POLDIP2: variants seen among roughly 807,000 people sequenced by gnomAD.
POLDIP2 encodes DNA polymerase delta interacting protein 2, also known as polymerase delta-interacting protein 2.
Under a neutral mutation model 52.9 loss-of-function variants are expected in POLDIP2, and 32 were observed. The observed-to-expected ratio is 0.61, with a 90% CI of 0.46 to 0.81. The LOEUF is 0.81. POLDIP2 is among the 40% of genes least tolerant of loss of function. The pLI is 0.00. For synonymous variants in POLDIP2, 183 were observed against 183.0 expected, an observed-to-expected ratio of 1.00 and a Z score of 0.00; for missense variants, 371 against 477.3, an observed-to-expected ratio of 0.78 and a Z score of 2.07.
rs1342760129 is a variant in POLDIP2, at chr17:28,347,822, CA to C, written c.*294del. 6.1e-5 allele frequency: 21 copies of C among 346,230 alleles called. No individual in the cohort carries two copies. The East Asian group carries it at 1.2e-3, about 21-fold the overall frequency. 21.4% of individuals were successfully genotyped at this position (346,230 alleles called of 1,614,324 possible). A position where few individuals can be genotyped will look rare whatever the true frequency, so the allele number is the denominator to read the frequency against. On this transcript the variant is annotated 3_prime_UTR_variant, in exon 11 of 11. Coordinates refer to ENST00000540200, the MANE Select transcript of POLDIP2 (RefSeq NM_015584.5). ...GTGCACTGGTTTACTGATCAAACCTCACGTGACAGGCCAGGAAACTCCTCCA... is the reference window on the plus strand; with the variant it reads ...GTGCACTGGTTTACTGATCAAACCTCCGTGACAGGCCAGGAAACTCCTCCA...
chr17:28,354,365 G>A, intron 3 of POLDIP2, 123 bp downstream of exon 3: 1 of 696,848 alleles, frequency 1.4e-6, no homozygotes, highest in Non-Finnish European at 2.5e-6. Context: ...TAGTCCCAGA[G>A]AAGTACTCTG....
intron 2 of POLDIP2, among the ~76,000 whole-genome samples, 194 bp downstream of exon 2, chr17:28,355,601 C>G (rs1465327650): frequency 6.6e-6 from 1 of 151,698 alleles, no homozygotes; most frequent in Non-Finnish European, 1.5e-5. Flanking sequence ...GACTGAAACT[C>G]CGTCTCACAA....
At chr17:28,353,446 C>T (rs904809864) in intron 4 of POLDIP2, 130 bp from the exon 5 acceptor site, 27 of 606,314 alleles carry the variant, frequency 4.5e-5, no homozygotes, top group Admixed American at 8.8e-5. Context: ...CACTTGAACC[C>T]GGGAGGCAGA....
intron 9 of POLDIP2, among the ~76,000 whole-genome samples, chr17:28,349,579 GGTCGC>G (rs1354214168): frequency 6.6e-6 from 1 of 151,982 alleles, no homozygotes; most frequent in Non-Finnish European, 1.5e-5. Context: ...AGTAAACTAT[GGTCGC>G]ACCACTGCAC....
At chr17:28,351,353 A>G (rs542775076) in intron 7 of POLDIP2, among the ~76,000 whole-genome samples, 4 of 152,350 alleles carry the variant, frequency 2.6e-5, no homozygotes, top group African/African-American at 9.6e-5. Flanking sequence ...ATGTGTAAAA[A>G]GTGTTATGCC....
Position 28,348,035 on chromosome 17 carries a change from G to A in POLDIP2, c.*82C>T. The A allele has an allele frequency of 1.3e-6, 1 of 795,510 alleles. No individual in the cohort carries two copies. Among genetic ancestry groups the A allele is most frequent in the Non-Finnish European group, 2.2e-6 (1 of 461,272 alleles). 49.3% of individuals were successfully genotyped at this position (795,510 alleles called of 1,614,324 possible). A position where few individuals can be genotyped will look rare whatever the true frequency, so the allele number is the denominator to read the frequency against. Reference sequence around the variant, plus strand: ...GAGACCCACTGTGGCCCATGATGGGGAGAGAAGAGTTCTGCAGCAATTGTG... The same window carrying A: ...GAGACCCACTGTGGCCCATGATGGGAAGAGAAGAGTTCTGCAGCAATTGTG... On this transcript the variant is annotated 3_prime_UTR_variant, in exon 11 of 11. Transcript: ENST00000540200.
intron 6 of POLDIP2, among the ~76,000 whole-genome samples, chr17:28,352,237 CTTTTTTT>C (rs782311219): frequency 2.3e-5 from 2 of 87,682 alleles, no homozygotes. Context: ...GGAATTATTT[CTTTTTTT>C]TTTTTTTTTT....
chr17:28,351,917 G>GGTC, intron 6 of POLDIP2, 117 bp from the exon 7 acceptor site: 1 of 929,164 alleles, frequency 1.1e-6, no homozygotes, highest in Non-Finnish European at 1.7e-6. Context: ...CCTAGTGGTG[G>GGTC]CCCAGGCAAA....
chr17:28,355,725 G>T, intron 2 of POLDIP2, 70 bp downstream of exon 2: 2 of 1,092,642 alleles, frequency 1.8e-6, no homozygotes, highest in Non-Finnish European at 1.4e-6. Context: ...GCAGGCCTGT[G>T]ACCTAATCTG....
Position 28,353,261 on chromosome 17 carries a change from C to T in POLDIP2, c.494G>A (p.Arg165Gln), listed in dbSNP as rs1555580354. The T allele has an allele frequency of 3.8e-6, 6 of 1,586,112 alleles. No individual in the cohort carries two copies. Among genetic ancestry groups the T allele is most frequent in the South Asian group, 1.1e-5 (1 of 89,368 alleles). The change falls in exon 5 of 11, where the codon CGG becomes CAG. Residue 165 changes from arginine (R) to glutamine (Q), a missense_variant. Coordinates refer to ENST00000540200, the MANE Select transcript of POLDIP2 (RefSeq NM_015584.5). ...CTCACCTGGGATGGCATAGAGGGCC[C>T]GACTGTCATCATGGTTAGCCAAGAA... ...VTFLANHDDSRALYAIPGLDY... is the reference protein window; with the variant it reads ...VTFLANHDDSQALYAIPGLDY...
Position 28,348,082 on chromosome 17 carries a change from G to A in POLDIP2, c.*35C>T, listed in dbSNP as rs782353200. Reference sequence around the variant, plus strand: ...TGTGGGATGAGAGTTGTTCTTCCCGGTGACCAAGCCTGGGCACTTGGGGCC... The same window carrying A: ...TGTGGGATGAGAGTTGTTCTTCCCGATGACCAAGCCTGGGCACTTGGGGCC... On this transcript the variant is annotated 3_prime_UTR_variant, in exon 11 of 11. Transcript: ENST00000540200. The A allele has an allele frequency of 5.5e-6, 7 of 1,281,794 alleles. No homozygotes were observed. The South Asian group carries it at 7.1e-5, about 13-fold the overall frequency. 79.4% of individuals were successfully genotyped at this position (1,281,794 alleles called of 1,614,324 possible).
In POLDIP2 at chr17:28,351,694, G is replaced by A. The variant is rs1907799462; in HGVS notation, c.729C>T (p.Val243=). The part of the protein sequence containing the change: ...VHRETTENIR[V]TVIPFYMGMR... ...TGCCCATGTAGAAGGGGATGACAGT[G>A]ACACGTATGTTCTCAGTTGTTTCCC... The change falls in exon 7 of 11, where the codon GTC becomes GTT. Residue 243 remains valine (V), a synonymous_variant. Coordinates refer to ENST00000540200, the MANE Select transcript of POLDIP2 (RefSeq NM_015584.5). The A allele has an allele frequency of 6.2e-7, 1 of 1,613,912 alleles. No individual in the cohort carries two copies. Among genetic ancestry groups the A allele is most frequent in the Non-Finnish European group, 8.5e-7 (1 of 1,179,824 alleles).
Position 28,355,710 on chromosome 17 carries a change from A to T in POLDIP2, c.243+85T>A, listed in dbSNP as rs923337575. On this transcript the variant is annotated intron_variant, in intron 2 of 10. Transcript: ENST00000540200. ...CAAGGTGGAATGAATGGAACACCAT[A>T]CCATGCAGGCCTGTGACCTAATCTG... is the stretch of plus-strand genomic sequence containing the variant. The T allele has an allele frequency of 8.5e-5, 71 of 832,032 alleles. No homozygotes were observed. In the African/African-American group the frequency reaches 9.9e-4, roughly 12 times the overall value. 51.5% of individuals were successfully genotyped at this position (832,032 alleles called of 1,614,324 possible). A position where few individuals can be genotyped will look rare whatever the true frequency, so the allele number is the denominator to read the frequency against.
Position 28,355,336 on chromosome 17 carries a change from G to A in POLDIP2, c.243+459C>T, listed in dbSNP as rs782019007. 2.0e-5 allele frequency among the ~76,000 whole-genome samples: 3 copies of A among 152,310 alleles called. No individual in the cohort carries two copies. In the South Asian group the frequency reaches 6.2e-4, roughly 32 times the overall value. ...AAAAATTTGATTCTGGGCTGGGTGC[G>A]GTGGCTCACGCCAGTAATCCCAGGA... is the stretch of plus-strand genomic sequence containing the variant. On this transcript the variant is annotated intron_variant, in intron 2 of 10. Coordinates refer to ENST00000540200, the MANE Select transcript of POLDIP2 (RefSeq NM_015584.5).
chr17:28,353,775 C>T lies in POLDIP2; in HGVS notation c.358G>A (p.Gly120Ser), dbSNP rs1555580484. The change falls in exon 4 of 11, where the codon GGC becomes AGC. Residue 120 changes from glycine (G) to serine (S), a missense_variant. Coordinates refer to ENST00000540200, the MANE Select transcript of POLDIP2 (RefSeq NM_015584.5). ...AAPEKAENPA[G>S]HGSKEVKGKT... ...CCTTTCACCTCCTTGGAGCCATGGCCAGCAGGGTTCTCTGCTCTATGGGGT... is the reference window on the plus strand; with the variant it reads ...CCTTTCACCTCCTTGGAGCCATGGCTAGCAGGGTTCTCTGCTCTATGGGGT... 1.9e-6 allele frequency: 3 copies of T among 1,612,786 alleles called. No homozygotes were observed. Among genetic ancestry groups the T allele is most frequent in the South Asian group, 1.1e-5 (1 of 91,054 alleles).
intron 10 of POLDIP2, among the ~76,000 whole-genome samples, chr17:28,348,756 G>C (rs1215732229): frequency 4.6e-5 from 7 of 152,150 alleles, no homozygotes; most frequent in African/African-American, 1.7e-4. Context: ...CTGGCCTTTA[G>C]ATACATACTG....
chr17:28,347,080 CTGTT>C lies in POLDIP2; in HGVS notation c.*1033_*1036del, dbSNP rs1316663535. On this transcript the variant is annotated 3_prime_UTR_variant, in exon 11 of 11. Transcript: ENST00000540200. ...GGCCATGGGCTGAGTTCCTGTGCTT[CTGTT>C]TATCATCTGACCTTGTGTTCTAGCC... The C allele has an allele frequency of 2.0e-5, 3 of 152,208 alleles. No homozygotes were observed. Among genetic ancestry groups the C allele is most frequent in the African/African-American group, 7.2e-5 (3 of 41,438 alleles). 9.4% of individuals were successfully genotyped at this position (152,208 alleles called of 1,614,324 possible).
At chr17:28,353,610 G>A (rs1469125598) in intron 4 of POLDIP2, 85 bp downstream of exon 4, 1 of 923,470 alleles carries the variant, frequency 1.1e-6, no homozygotes, top group African/African-American at 1.6e-5. Context: ...GGCTCTGTTT[G>A]ACCCCCTTCC....
chr17:28,348,141 T>C lies in POLDIP2; in HGVS notation c.1083A>G (p.Thr361=). Residue 361 remains threonine (T), a synonymous_variant, in exon 11 of 11, where the codon ACA becomes ACG. Coordinates refer to ENST00000540200, the MANE Select transcript of POLDIP2 (RefSeq NM_015584.5). The part of the protein sequence containing the change: ...FSLESNKDEK[T]PPSGLHW ...CCTACCAGTGAAGGCCTGAGGGTGGTGTCTTCTCATCTTTATTGCTTTCCA... is the reference window on the plus strand; with the variant it reads ...CCTACCAGTGAAGGCCTGAGGGTGGCGTCTTCTCATCTTTATTGCTTTCCA... 1 of 1,612,494 alleles carries C rather than the reference T, an allele frequency of 6.2e-7. No individual in the cohort carries two copies. Among genetic ancestry groups the C allele is most frequent in the Non-Finnish European group, 8.5e-7 (1 of 1,178,546 alleles).
Sources: gnomAD v4.1 joint callset for allele counts (sites outside exome capture counted in the v4.1 genomes callset) on GRCh38, gnomAD v4.1.1 for gene constraint, MANE v1.5 for transcripts, NCBI Gene and HGNC (gene_info 2026-07-23, HGNC 2026-07-21) for gene names.